Variants in MCOLN2 observed in about 807,000 individuals in gnomAD.
MCOLN2 encodes mucolipin TRP cation channel 2, also known as mucolipin-2.
A neutral mutation model predicts 67.5 loss-of-function variants in MCOLN2; 57 were observed. That is an observed-to-expected ratio of 0.84 (90% CI 0.68 to 1.05). MCOLN2 has a LOEUF of 1.05. Among genes scored for constraint, MCOLN2 ranks in the 50% least tolerant of loss-of-function variants. The pLI is 0.00. For missense variants in MCOLN2, 620 were observed against 678.8 expected (o/e 0.91, Z 0.96); for synonymous variants, 246 against 233.3 (o/e 1.05, Z -0.50).
At position 84,926,619 on chromosome 1, in the gene MCOLN2, A is replaced by T; in HGVS notation, c.*66T>A. Reference sequence around the variant, plus strand: ...CATTTTGGAACTGCTTGTCCAAGTCATTTGGGGTTCCTCTGCTCAGCCGCT... The same window carrying T: ...CATTTTGGAACTGCTTGTCCAAGTCTTTTGGGGTTCCTCTGCTCAGCCGCT... On this transcript the variant is annotated 3_prime_UTR_variant, in exon 14 of 14. Coordinates refer to ENST00000370608, the MANE Select transcript of MCOLN2 (RefSeq NM_153259.4). 1 of 1,261,750 alleles carries T rather than the reference A, an allele frequency of 7.9e-7. No individual in the cohort carries two copies. Among genetic ancestry groups the T allele is most frequent in the Non-Finnish European group, 1.1e-6 (1 of 902,110 alleles). 78.2% of individuals were successfully genotyped at this position (1,261,750 alleles called of 1,614,324 possible).
intron 1 of MCOLN2, 95 bp from the exon 2 acceptor site, chr1:84,965,803 T>C: frequency 8.9e-7 from 1 of 1,125,200 alleles, no homozygotes; most frequent in Admixed American, 2.3e-5. Context: ...TTGGTACATA[T>C]GGCATGTCAT....
intron 13 of MCOLN2, among the ~76,000 whole-genome samples, chr1:84,928,514 T>C (rs1459582641): frequency 6.6e-6 from 1 of 152,196 alleles, no homozygotes; most frequent in Non-Finnish European, 1.5e-5. Flanking sequence ...TCGTTTACTT[T>C]TTAGAATTCA....
At position 84,939,805 on chromosome 1, in the gene MCOLN2, T is replaced by C. The variant is rs2102814342; in HGVS notation, c.961-103A>G. ...CTCTCACCTGTAAAAGGACATGGCA[T>C]TGCCTTTCCAATTTGCCAGATCCAC... On this transcript the variant is annotated intron_variant, in intron 8 of 13. Transcript: ENST00000370608. The C allele has an allele frequency of 4.8e-6, 6 of 1,247,140 alleles. No homozygotes were observed. The South Asian group carries it at 6.6e-5, about 14-fold the overall frequency. The allele number at this position is 1,247,140 out of a possible 1,614,324, so 77.3% of individuals were successfully genotyped here.
chr1:84,988,475 G>A (rs1466321786), intron 1 of MCOLN2, among the ~76,000 whole-genome samples: 1 of 152,100 alleles, frequency 6.6e-6, no homozygotes, highest in Non-Finnish European at 1.5e-5. Flanking sequence ...ATTCTAATGT[G>A]TAGCAAAGTA....
At chr1:84,996,044 T>G (rs1454949534) in intron 1 of MCOLN2, among the ~76,000 whole-genome samples, 1 of 152,092 alleles carries the variant, frequency 6.6e-6, no homozygotes, top group African/African-American at 2.4e-5. Flanking sequence ...GGAGTTTGAC[T>G]CCTCTTAAGG....
chr1:84,964,701 G>A (rs748196706), intron 2 of MCOLN2, among the ~76,000 whole-genome samples: 5 of 152,140 alleles, frequency 3.3e-5, no homozygotes, highest in Non-Finnish European at 7.3e-5. Flanking sequence ...TCCCATCTAG[G>A]GGTGGTGGGA....
intron 13 of MCOLN2, among the ~76,000 whole-genome samples, chr1:84,926,936 G>C (rs1661188303): frequency 6.6e-6 from 1 of 151,634 alleles, no homozygotes; most frequent in South Asian, 2.1e-4. Context: ...AATGTACACT[G>C]TTTGAGGTTT....
At chr1:84,928,816 G>C (rs886713092) in intron 13 of MCOLN2, among the ~76,000 whole-genome samples, 1 of 152,170 alleles carries the variant, frequency 6.6e-6, no homozygotes, top group Non-Finnish European at 1.5e-5. Flanking sequence ...AATGCATCCT[G>C]TGGTTTTAAA....
intron 1 of MCOLN2, among the ~76,000 whole-genome samples, chr1:84,983,676 C>CT (rs569506991): frequency 0.049 from 6,339 of 129,872 alleles, 375 homozygotes; most frequent in African/African-American, 0.13. Flanking sequence ...TTTAAAATTT[C>CT]TTTTTTTTTT....
chr1:84,985,978 TAGC>T (rs1650486709), intron 1 of MCOLN2, among the ~76,000 whole-genome samples: 2 of 152,144 alleles, frequency 1.3e-5, no homozygotes, highest in Admixed American at 1.3e-4. Context: ...AGAGCCTGCA[TAGC>T]TGAAGCAAGA....
At chr1:84,949,971 G>T (rs537911131) in intron 6 of MCOLN2, among the ~76,000 whole-genome samples, 1 of 152,280 alleles carries the variant, frequency 6.6e-6, no homozygotes, top group African/African-American at 2.4e-5. Context: ...TAATTATCAT[G>T]AAAACATGTG....
chr1:84,944,558 A>AAAAC (rs1268635434), intron 7 of MCOLN2, among the ~76,000 whole-genome samples: 6 of 152,076 alleles, frequency 3.9e-5, no homozygotes, highest in Non-Finnish European at 8.8e-5. Flanking sequence ...AGAAAGAAAA[A>AAAAC]AAACATCTAT....
intron 1 of MCOLN2, among the ~76,000 whole-genome samples, chr1:84,969,832 A>T (rs1649575969): frequency 6.6e-6 from 1 of 152,216 alleles, no homozygotes; most frequent in Admixed American, 6.5e-5. Flanking sequence ...AGTTCCGTGA[A>T]TGCTGTAAAA....
chr1:84,970,453 T>G (rs1224403360), intron 1 of MCOLN2, among the ~76,000 whole-genome samples: 1 of 150,932 alleles, frequency 6.6e-6, no homozygotes, highest in East Asian at 2.0e-4. Context: ...GTGGATCACT[T>G]GAGGCCAGGA....
At chr1:84,941,509 A>G (rs777129323) in intron 7 of MCOLN2, among the ~76,000 whole-genome samples, 5 of 152,158 alleles carry the variant, frequency 3.3e-5, no homozygotes, top group Non-Finnish European at 5.9e-5. Context: ...AACAAAAAAC[A>G]AAAAACAAAA....
Position 84,944,741 on chromosome 1 carries a change from A to T in MCOLN2, c.847+2292T>A, listed in dbSNP as rs79261224. Among the ~76,000 whole-genome samples, 563 of 152,288 alleles carry T rather than the reference A, an allele frequency of 3.7e-3. 1 individual carries two copies. Among genetic ancestry groups the T allele is most frequent in the African/African-American group, 0.013 (544 of 41,568 alleles). ...ATGAGGTTTGTATGTGAAAATGGACATTCACCTGCATTTGCTTCAATATGG... is the reference window on the plus strand; with the variant it reads ...ATGAGGTTTGTATGTGAAAATGGACTTTCACCTGCATTTGCTTCAATATGG... On this transcript the variant is annotated intron_variant, in intron 7 of 13. Coordinates refer to ENST00000370608, the MANE Select transcript of MCOLN2 (RefSeq NM_153259.4).
chr1:84,934,895 CA>C (rs1213188789), intron 11 of MCOLN2, among the ~76,000 whole-genome samples: 1 of 152,188 alleles, frequency 6.6e-6, no homozygotes, highest in African/African-American at 2.4e-5. Flanking sequence ...CCCCTGAAAT[CA>C]GATGCCTAAC....
chr1:84,962,743 C>T (rs1649157822), intron 2 of MCOLN2, among the ~76,000 whole-genome samples: 1 of 152,060 alleles, frequency 6.6e-6, no homozygotes. Context: ...GCCTGTCTGG[C>T]TGGGATTTGG....
At chr1:84,972,589 C>T (rs1209552908) in intron 1 of MCOLN2, among the ~76,000 whole-genome samples, 2 of 152,190 alleles carry the variant, frequency 1.3e-5, no homozygotes, top group African/African-American at 4.8e-5. Flanking sequence ...AAGCTACTGT[C>T]AGGTATTAAG....
Sources: gnomAD v4.1 joint callset for allele counts (sites outside exome capture counted in the v4.1 genomes callset) on GRCh38, gnomAD v4.1.1 for gene constraint, MANE v1.5 for transcripts, NCBI Gene and HGNC (gene_info 2026-07-23, HGNC 2026-07-21) for gene names.